Variants in ACTR3C observed in about 807,000 individuals in gnomAD.
The protein encoded by ACTR3C is actin related protein 3C, also known as actin-related protein 3C.
In ACTR3C, 18 loss-of-function variants were observed where a neutral mutation model predicts 26.3. That is an observed-to-expected ratio of 0.68 (90% CI 0.47 to 1.01). The LOEUF (loss-of-function observed/expected upper bound fraction) is 1.01. Ranked by LOEUF, ACTR3C falls within the 50% of genes least tolerant of loss-of-function variation. The pLI, the probability that ACTR3C is intolerant of heterozygous loss-of-function variation, is 0.00. For missense variants in ACTR3C, 184 were observed against 250.7 expected (o/e 0.73, Z 1.80); for synonymous variants, 55 against 94.5 (o/e 0.58, Z 2.42).
chr7:150,315,539 T>C (rs191554139), intron 1 of ACTR3C, among the ~76,000 whole-genome samples: 272 of 152,370 alleles, frequency 1.8e-3, no homozygotes, highest in Middle Eastern at 0.01. Context: ...ACGTTTTATA[T>C]ACTAATTCGT....
the ACTR3C span, among the ~76,000 whole-genome samples, chr7:150,200,531 T>C: frequency 1.3e-5 from 2 of 152,218 alleles, no homozygotes; most frequent in African/African-American, 2.4e-5. Context: ...TAATGTTCAC[T>C]AGTCATCAAG....
At chr7:149,903,873 T>G in the ACTR3C span, among the ~76,000 whole-genome samples, 1 of 49,464 alleles carries the variant, frequency 2.0e-5, no homozygotes. Flanking sequence ...GGCGTTGTTG[T>G]TGTTGTTGTT....
the ACTR3C span, chr7:149,892,407 A>AAAAC: frequency 2.6e-6 from 4 of 1,521,876 alleles, no homozygotes; most frequent in African/African-American, 5.4e-5. Flanking sequence ...ACCTTAAAAA[A>AAAAC]ACACACACAC....
At chr7:150,237,361 TG>T in the ACTR3C span, among the ~76,000 whole-genome samples, 1 of 152,114 alleles carries the variant, frequency 6.6e-6, no homozygotes. Flanking sequence ...TATGGCAGCC[TG>T]GGGGTTTCAT....
the ACTR3C span, among the ~76,000 whole-genome samples, chr7:150,149,310 T>C: frequency 6.6e-6 from 1 of 151,900 alleles, no homozygotes; most frequent in African/African-American, 2.4e-5. Context: ...TTCTCCCACC[T>C]CCACTTGAAA....
the ACTR3C span, among the ~76,000 whole-genome samples, chr7:149,883,572 CAA>C: frequency 2.9e-3 from 449 of 152,288 alleles, 7 homozygotes; most frequent in South Asian, 0.048. Flanking sequence ...AAGCTGCACA[CAA>C]AGAGTATGGC....
the ACTR3C span, among the ~76,000 whole-genome samples, chr7:150,033,922 GC>G: frequency 7.9e-5 from 11 of 138,766 alleles, no homozygotes; most frequent in African/African-American, 1.3e-4. Context: ...CGCGAGGGGT[GC>G]CTCCCCCCCT....
At chr7:150,136,296 A>G in the ACTR3C span, among the ~76,000 whole-genome samples, 2 of 152,334 alleles carry the variant, frequency 1.3e-5, no homozygotes, top group South Asian at 4.1e-4. Context: ...AAACGCCAAC[A>G]AGAGATGAAT....
the ACTR3C span, among the ~76,000 whole-genome samples, chr7:150,212,779 A>G: frequency 6.6e-6 from 1 of 152,082 alleles, no homozygotes; most frequent in Admixed American, 6.6e-5. Flanking sequence ...GTGGCCCTTC[A>G]CTGCGTGCTC....
chr7:150,085,109 G>A, the ACTR3C span, among the ~76,000 whole-genome samples: 599 of 152,264 alleles, frequency 3.9e-3, 2 homozygotes, highest in African/African-American at 0.014. Context: ...AGCAATGGCC[G>A]TGGGGATGAG....
At chr7:150,137,340 T>C in the ACTR3C span, among the ~76,000 whole-genome samples, 1 of 152,158 alleles carries the variant, frequency 6.6e-6, no homozygotes, top group Non-Finnish European at 1.5e-5. Context: ...TTCCTTCCTC[T>C]TGCTATGAAG....
the ACTR3C span, among the ~76,000 whole-genome samples, chr7:149,982,135 G>A: frequency 1.3e-5 from 2 of 152,174 alleles, no homozygotes; most frequent in Non-Finnish European, 2.9e-5. Context: ...TCTATGATCG[G>A]TTGACTGAGG....
chr7:150,089,323 C>T, the ACTR3C span, among the ~76,000 whole-genome samples: 390 of 152,286 alleles, frequency 2.6e-3, 1 homozygote, highest in African/African-American at 9.1e-3. Flanking sequence ...CTGATGCAAA[C>T]GCCAGCTGAA....
At chr7:150,067,397 T>C in the ACTR3C span, among the ~76,000 whole-genome samples, 1 of 152,200 alleles carries the variant, frequency 6.6e-6, no homozygotes, top group Non-Finnish European at 1.5e-5. Context: ...ACCACAGATA[T>C]GTGTGCATTC....
chr7:149,936,267 T>C, the ACTR3C span, among the ~76,000 whole-genome samples: 2 of 152,274 alleles, frequency 1.3e-5, no homozygotes, highest in Admixed American at 1.3e-4. Context: ...GGCTACTGGC[T>C]TCTATAACTT....
the ACTR3C span, among the ~76,000 whole-genome samples, chr7:150,183,749 C>A: frequency 0.023 from 3,304 of 146,824 alleles, 278 homozygotes; most frequent in African/African-American, 0.084. Context: ...CTGAATGTAC[C>A]TTTACACTGT....
chr7:150,044,221 G>A, the ACTR3C span, among the ~76,000 whole-genome samples: 2 of 152,136 alleles, frequency 1.3e-5, no homozygotes, highest in African/African-American at 2.4e-5. Context: ...GGATGACAAA[G>A]TTCAGTATTT....
chr7:149,985,824 C>G, the ACTR3C span, among the ~76,000 whole-genome samples: 3 of 152,190 alleles, frequency 2.0e-5, no homozygotes, highest in African/African-American at 7.2e-5. Flanking sequence ...TCGAAGTCCC[C>G]ATTCAGAATG....
At chr7:149,881,844 A>T in the ACTR3C span, 1 of 152,558 alleles carries the variant, frequency 6.6e-6, no homozygotes, top group Non-Finnish European at 1.5e-5. Context: ...AACAGGAGAG[A>T]GTGGTTGAGG....
Sources: allele counts gnomAD v4.1 joint callset (sites outside exome capture counted in the v4.1 genomes callset), GRCh38; gene constraint gnomAD v4.1.1; transcripts MANE v1.5; gene names NCBI Gene and HGNC (gene_info 2026-07-23, HGNC 2026-07-21).